The following TEX15 variants were observed in gnomAD, a reference collection of about 807,000 sequenced individuals.
TEX15 encodes testis expressed 15, meiosis and synapsis associated, also known as testis-expressed protein 15.
In TEX15, 171 loss-of-function variants were observed where a neutral mutation model predicts 237.3. The observed-to-expected ratio is 0.72, with a 90% CI of 0.64 to 0.82. TEX15 has a LOEUF of 0.82. Ranked by LOEUF, TEX15 falls within the 40% of genes least tolerant of loss-of-function variation. TEX15 has a pLI of 0.00. For synonymous variants in TEX15, 1,338 were observed against 1,269.8 expected, an observed-to-expected ratio of 1.05 and a Z score of -1.14; for missense variants, 3,750 against 3,646.5, an observed-to-expected ratio of 1.03 and a Z score of -0.73.
At position 30,842,516 on chromosome 8, in the gene TEX15, T is replaced by C; in HGVS notation, c.7651A>G (p.Ile2551Val). The change falls in exon 8 of 11, where the codon ATA (isoleucine) becomes GTA (valine). Residue 2551 changes from isoleucine to valine, a missense_variant. Coordinates refer to ENST00000643185, the MANE Select transcript of TEX15 (RefSeq NM_001350162.2). ...LSRELQELSE[I>V]KKLLKKSKYF... ...TTGGACTTCTTCAGAAGCTTTTTTATTTCTGAAAGTTCTTGAAGTTCTCTT... is the reference window on the plus strand; with the variant it reads ...TTGGACTTCTTCAGAAGCTTTTTTACTTCTGAAAGTTCTTGAAGTTCTCTT... 1 of 1,611,820 alleles carries C rather than the reference T, an allele frequency of 6.2e-7. No individual in the cohort carries two copies. Among genetic ancestry groups the C allele is most frequent in the Non-Finnish European group, 8.5e-7 (1 of 1,179,698 alleles).
chr8:30,865,856 T>C (rs993954638), intron 5 of TEX15, among the ~76,000 whole-genome samples: 2 of 151,928 alleles, frequency 1.3e-5, no homozygotes, highest in Admixed American at 6.6e-5. Context: ...TGGGGAAAAA[T>C]TGAAAGCCTT....
intron 1 of TEX15, among the ~76,000 whole-genome samples, chr8:30,901,438 C>G (rs1809004344): frequency 6.6e-6 from 1 of 152,160 alleles, no homozygotes; most frequent in Admixed American, 6.6e-5. Context: ...TTTTCAATCT[C>G]TGTTTAAGGA....
intron 1 of TEX15, among the ~76,000 whole-genome samples, chr8:30,905,634 A>C (rs1809087223): frequency 1.3e-5 from 2 of 151,128 alleles, no homozygotes; most frequent in African/African-American, 4.9e-5. Flanking sequence ...CACGCCTATA[A>C]TCCCAGCATT....
intron 2 of TEX15, among the ~76,000 whole-genome samples, chr8:30,895,293 A>G: frequency 9.4e-6 from 1 of 106,808 alleles, no homozygotes. Flanking sequence ...GCGAGACTCC[A>G]TCTCAAAAAA....
chr8:30,839,036 C>T (rs1807384640), intron 9 of TEX15, among the ~76,000 whole-genome samples: 1 of 151,742 alleles, frequency 6.6e-6, no homozygotes, highest in African/African-American at 2.4e-5. Context: ...GGCTGATCTC[C>T]AACTCCTGAC....
chr8:30,834,557 G>A (rs1299835049), intron 10 of TEX15, among the ~76,000 whole-genome samples: 4 of 152,210 alleles, frequency 2.6e-5, no homozygotes, highest in Non-Finnish European at 5.9e-5. Flanking sequence ...AGGCAGGGAA[G>A]AAAGGGAAAG....
chr8:30,896,000 A>C (rs1185016849), intron 2 of TEX15, among the ~76,000 whole-genome samples: 1 of 152,098 alleles, frequency 6.6e-6, no homozygotes, highest in East Asian at 1.9e-4. Flanking sequence ...ACATTTAAAG[A>C]AAGTTCAGTA....
Position 30,843,049 on chromosome 8 carries a change from C to T in TEX15, c.7118G>A (p.Ser2373Asn), listed in dbSNP as rs61738844. 34,677 of 1,613,438 alleles carry T rather than the reference C, an allele frequency of 0.021. 445 individuals are homozygous for T. The highest frequency in any genetic ancestry group is 0.026 in the Non-Finnish European group (30,328 of 1,179,636). ...LLAHPDICCI[S>N]EILDQAEFAD... is the part of the protein sequence containing the mutation. The stretch of plus-strand genomic sequence containing the variant: ...AAATTCAGCCTGATCCAATATCTCA[C>T]TAATACAACAAATATCTGGGTGTGC... The change falls in exon 8 of 11, where the codon AGT becomes AAT. Residue 2373 changes from serine to asparagine, a missense_variant. Coordinates refer to ENST00000643185, the MANE Select transcript of TEX15 (RefSeq NM_001350162.2).
At chr8:30,889,937 A>ATATATACACATATATACATATATACGTG (rs1563273099) in intron 2 of TEX15, among the ~76,000 whole-genome samples, 1 of 124,320 alleles carries the variant, frequency 8.0e-6, no homozygotes, top group African/African-American at 3.8e-5. Context: ...TTATATACAT[A>ATATATACACATATATACATATATACGTG]TATATATATA....
rs1481262132 is a variant in TEX15, at chr8:30,843,491, G to T, written c.6676C>A (p.Pro2226Thr). 3 of 1,612,796 alleles carry T rather than the reference G, an allele frequency of 1.9e-6. No individual in the cohort carries two copies. The highest frequency in any genetic ancestry group is 2.7e-5 in the African/African-American group (2 of 74,824). ...TTTCCTGGATACGAATGAACTTTAG[G>T]AGAGTCCCCACATACATTGATCAAC... The part of the protein sequence containing the change: ...LKLINVCGDS[P>T]KVHSYPGKQD... Residue 2226 changes from proline to threonine, a missense_variant, in exon 8 of 11, where the codon CCT (proline) becomes ACT (threonine). Pro to Thr is a conservative substitution (Grantham distance 38, BLOSUM62 -1). Coordinates refer to ENST00000643185, the MANE Select transcript of TEX15 (RefSeq NM_001350162.2).
intron 7 of TEX15, 36 bp downstream of exon 7, chr8:30,858,632 A>T (rs1272912507): frequency 6.7e-7 from 1 of 1,484,184 alleles, no homozygotes; most frequent in East Asian, 2.5e-5. Context: ...AGACCAGCAC[A>T]AATATTAATC....
intron 7 of TEX15, among the ~76,000 whole-genome samples, chr8:30,854,858 C>T (rs893250114): frequency 4.0e-5 from 6 of 151,870 alleles, no homozygotes; most frequent in African/African-American, 9.7e-5. Flanking sequence ...TACATTATAT[C>T]GATAAAAACA....
chr8:30,839,661 T>C (rs1807396768), intron 9 of TEX15, among the ~76,000 whole-genome samples: 1 of 152,210 alleles, frequency 6.6e-6, no homozygotes, highest in African/African-American at 2.4e-5. Context: ...TTTACATCAC[T>C]GAAAAAGCAA....
chr8:30,846,972 T>C lies in TEX15; in HGVS notation c.3195A>G (p.Leu1065=), dbSNP rs746009607. 3.6e-5 allele frequency: 58 copies of C among 1,613,420 alleles called. No homozygotes were observed. Among genetic ancestry groups the C allele is most frequent in the Non-Finnish European group, 4.7e-5 (55 of 1,179,564 alleles). Residue 1065 remains leucine, a synonymous_variant, in exon 8 of 11, where the codon TTA becomes TTG. Coordinates refer to ENST00000643185, the MANE Select transcript of TEX15 (RefSeq NM_001350162.2). ...ATATAAAAGCATCATCACAATCTTC[T>C]AATTCTATTTCAATTTCACTTTCCA... The part of the protein sequence containing the change: ...IELESEIEIE[L]EDCDDAFIFQ...
rs199959272 is a variant in TEX15 at position 30,843,755 on chromosome 8, C to A, written c.6412G>T (p.Ala2138Ser). The change falls in exon 8 of 11, where the codon GCA (alanine) becomes TCA (serine). Residue 2138 changes from alanine to serine, a missense_variant. Transcript: ENST00000643185. Reference sequence around the variant, plus strand: ...TGGTAAGTCTGTAACTCACAGAATGCATTATATTTTAATCTTCCTTGGAAA... The same window carrying A: ...TGGTAAGTCTGTAACTCACAGAATGAATTATATTTTAATCTTCCTTGGAAA... ...PGFQGRLKYN[A>S]FCELQTYHDQ... The A allele has an allele frequency of 1.7e-4, 282 of 1,613,362 alleles. No individual in the cohort carries two copies. In the East Asian group the frequency reaches 5.3e-3, roughly 30 times the overall value.
intron 7 of TEX15, among the ~76,000 whole-genome samples, chr8:30,849,687 G>A (rs1025811928): frequency 1.4e-4 from 21 of 152,068 alleles, no homozygotes; most frequent in South Asian, 4.1e-4. Context: ...CAGATCATGA[G>A]GTCAGGAGTT....
Position 30,837,678 on chromosome 8 carries a change from T to A in TEX15, c.8606A>T (p.Asp2869Val). The A allele has an allele frequency of 6.2e-7, 1 of 1,613,958 alleles. No individual in the cohort carries two copies. The highest frequency in any genetic ancestry group is 8.5e-7 in the Non-Finnish European group (1 of 1,179,960). ...LLQKFLKNSP[D>V]PTQKSCLSDI... ...AGAAAGGCAGGATTTTTGGGTGGGA[T>A]CTGGGGAATTTTTAAGAAATTTCTG... Residue 2869 changes from aspartate (D) to valine (V), a missense_variant, in exon 10 of 11, where the codon GAT (aspartate) becomes GTT (valine). By Grantham distance (152) the Asp-to-Val change is radical. Coordinates refer to ENST00000643185, the MANE Select transcript of TEX15 (RefSeq NM_001350162.2).
At chr8:30,891,342 C>T (rs1808788636) in intron 2 of TEX15, among the ~76,000 whole-genome samples, 1 of 152,106 alleles carries the variant, frequency 6.6e-6, no homozygotes. Flanking sequence ...TCTTTTATTA[C>T]ACATCATCAC....
rs1293912660 is a variant in TEX15 at position 30,848,007 on chromosome 8, C to T, written c.2160G>A (p.Leu720=). Residue 720 remains leucine (L), a synonymous_variant, in exon 8 of 11, where the codon CTG becomes CTA. Transcript: ENST00000643185. Reference sequence around the variant, plus strand: ...CAGAGTGCTGAGGATGCTTTTGTGACAGGCTCTCAAAACTTGGAGTAATTT... The same window carrying T: ...CAGAGTGCTGAGGATGCTTTTGTGATAGGCTCTCAAAACTTGGAGTAATTT... ...EWQITPSFES[L]SQKHPQHSVE... is the part of the protein sequence containing the mutation. The T allele has an allele frequency of 1.2e-6, 2 of 1,613,806 alleles. No individual in the cohort carries two copies. Among genetic ancestry groups the T allele is most frequent in the Admixed American group, 1.7e-5 (1 of 59,994 alleles).
Sources: gnomAD v4.1 joint callset for allele counts (sites outside exome capture counted in the v4.1 genomes callset) on GRCh38, gnomAD v4.1.1 for gene constraint, MANE v1.5 for transcripts, NCBI Gene and HGNC (gene_info 2026-07-23, HGNC 2026-07-21) for gene names.